The following PCSK9 variants were observed in gnomAD, a reference collection of about 807,000 sequenced individuals.
PCSK9 encodes the protein convertase subtilisin/kexin type 9 preproprotein.
Under a neutral mutation model 62.1 loss-of-function variants are expected in PCSK9, and 57 were observed. The observed-to-expected ratio is 0.92, with a 90% CI of 0.74 to 1.14. The LOEUF (loss-of-function observed/expected upper bound fraction) is 1.14. Among genes scored for constraint, PCSK9 ranks in the 50% most tolerant of loss-of-function variants. The pLI, the probability that PCSK9 is intolerant of heterozygous loss-of-function variation, is 0.00. For synonymous variants in PCSK9, 387 were observed against 409.4 expected, an observed-to-expected ratio of 0.95 and a Z score of 0.66; for missense variants, 870 against 959.8, an observed-to-expected ratio of 0.91 and a Z score of 1.24.
chr1:55,057,248 G>A, intron 6 of PCSK9, 83 bp from the exon 7 acceptor site: 2 of 1,506,912 alleles, frequency 1.3e-6, no homozygotes, highest in Non-Finnish European at 1.8e-6. Context: ...CAGTTGTCCA[G>A]CCCAGCTGGC....
rs910841558 is a variant in PCSK9, at chr1:55,040,220, G to A, written c.207+176G>A. Among the ~76,000 whole-genome samples the A allele has an allele frequency of 7.2e-5, 11 of 152,214 alleles. No homozygotes were observed. The highest frequency in any genetic ancestry group is 1.6e-4 in the Non-Finnish European group (11 of 68,040). On this transcript the variant is annotated intron_variant, in intron 1 of 11. Coordinates refer to ENST00000302118, the MANE Select transcript of PCSK9 (RefSeq NM_174936.4). This position sits in a 1 kb window ranked among gnomAD's most constrained non-coding sequence, Gnocchi z 4.1. ...CAGGCAAGGCGGCGGGGGAGGACGGGTAGTGGGGAGCACGGTGGAGAGCGG... is the reference window on the plus strand; with the variant it reads ...CAGGCAAGGCGGCGGGGGAGGACGGATAGTGGGGAGCACGGTGGAGAGCGG...
intron 3 of PCSK9, chr1:55,051,833 C>G (rs12079495): frequency 3.8e-6 from 1 of 266,322 alleles, no homozygotes; most frequent in African/African-American, 2.3e-5. Context: ...TAAAATGAGC[C>G]GGCCAGCGCA....
At chr1:55,059,055 G>A (rs1275322003) in intron 9 of PCSK9, among the ~76,000 whole-genome samples, 1 of 152,228 alleles carries the variant, frequency 6.6e-6, no homozygotes, top group East Asian at 1.9e-4. Context: ...AAGTGGAATT[G>A]ATGTTGATGC....
At chr1:55,053,796 G>A (rs1644693433) in intron 5 of PCSK9, among the ~76,000 whole-genome samples, 1 of 152,198 alleles carries the variant, frequency 6.6e-6, no homozygotes, top group Admixed American at 6.5e-5. Flanking sequence ...TTTATTGACT[G>A]ACCTCGGCTC....
In PCSK9 at chr1:55,058,129, A is replaced by G. The variant is rs28362261; in HGVS notation, c.1274A>G (p.Asn425Ser). 8.8e-4 allele frequency: 1,420 copies of G among 1,613,670 alleles called. 12 individuals are homozygous for G. The African/African-American group carries it at 0.016, about 18-fold the overall frequency. Residue 425 changes from asparagine to serine, a missense_variant, in exon 8 of 12, where the codon AAT (asparagine) becomes AGT (serine). By Grantham distance (46) the Asn-to-Ser change is conservative. Coordinates refer to ENST00000302118, the MANE Select transcript of PCSK9 (RefSeq NM_174936.4). ...CACTTCTCTGCCAAAGATGTCATCA[A>G]TGAGGCCTGGTTCCCTGAGGACCAG... ...LIHFSAKDVI[N>S]EAWFPEDQRV...
intron 11 of PCSK9, 36 bp from the exon 12 acceptor site, chr1:55,063,333 C>A (rs1644776672): frequency 2.5e-6 from 4 of 1,603,998 alleles, no homozygotes; most frequent in Non-Finnish European, 3.4e-6. Context: ...CCGGGCCACG[C>A]TAGACATGTG....
At chr1:55,045,473 G>A (rs1383541122) in intron 2 of PCSK9, among the ~76,000 whole-genome samples, 1 of 152,152 alleles carries the variant, frequency 6.6e-6, no homozygotes, top group East Asian at 1.9e-4. Flanking sequence ...CTGAAGTGGG[G>A]GCAGGTTAAG....
chr1:55,057,584 G>A (rs1044424373), intron 7 of PCSK9, 70 bp downstream of exon 7: 50 of 1,514,076 alleles, frequency 3.3e-5, no homozygotes, highest in Middle Eastern at 2.3e-4. Flanking sequence ...GGTCTGTGCC[G>A]GGACCTCCAG....
At chr1:55,056,692 C>T (rs1269042735) in intron 6 of PCSK9, among the ~76,000 whole-genome samples, 1 of 152,162 alleles carries the variant, frequency 6.6e-6, no homozygotes, top group African/African-American at 2.4e-5. Context: ...GTGCCGCATG[C>T]CCGGTGCAGT....
chr1:55,039,876 G>A lies in PCSK9; in HGVS notation c.39G>A (p.Leu13=). The change falls in exon 1 of 12, where the codon CTG becomes CTA. Residue 13 remains leucine (L), a synonymous_variant. Transcript: ENST00000302118. ...TVSSRRSWWP[L]PLLLLLLLLL... is the part of the protein sequence containing the mutation. ...GCTCCAGGCGGTCCTGGTGGCCGCTGCCACTGCTGCTGCTGCTGCTGCTGC... is the reference window on the plus strand; with the variant it reads ...GCTCCAGGCGGTCCTGGTGGCCGCTACCACTGCTGCTGCTGCTGCTGCTGC... The A allele has an allele frequency of 6.4e-7, 1 of 1,558,418 alleles. No individual in the cohort carries two copies. The highest frequency in any genetic ancestry group is 8.7e-7 in the Non-Finnish European group (1 of 1,152,128).
rs565851054 is a variant in PCSK9, at chr1:55,063,713, C to T, written c.*129C>T. On this transcript the variant is annotated 3_prime_UTR_variant, in exon 12 of 12. Transcript: ENST00000302118. Reference sequence around the variant, plus strand: ...AGGGGATGGGGATGCTTCCGCCTTTCCGGGGCTGCTGGCCTGGCCCTTGAG... The same window carrying T: ...AGGGGATGGGGATGCTTCCGCCTTTTCGGGGCTGCTGGCCTGGCCCTTGAG... The T allele has an allele frequency of 3.5e-6, 4 of 1,155,290 alleles. No homozygotes were observed. The highest frequency in any genetic ancestry group is 3.1e-5 in the African/African-American group (2 of 65,124). 71.6% of individuals were successfully genotyped at this position (1,155,290 alleles called of 1,614,324 possible).
chr1:55,055,992 G>A lies in PCSK9; in HGVS notation c.800-1G>A. On this transcript the variant is annotated splice_acceptor_variant, in intron 5 of 11. Coordinates refer to ENST00000302118, the MANE Select transcript of PCSK9 (RefSeq NM_174936.4). LOFTEE classifies it high-confidence loss of function. ...GGTGACCTTGGCTTTGTTCCTCCCA[G>A]GCCTGGAGTTTATTCGGAAAAGCCA... The A allele has an allele frequency of 6.2e-7, 1 of 1,608,628 alleles. No homozygotes were observed. The highest frequency in any genetic ancestry group is 8.5e-7 in the Non-Finnish European group (1 of 1,177,132).
At chr1:55,051,211 C>A (rs574183020) in intron 3 of PCSK9, 1 of 456,172 alleles carries the variant, frequency 2.2e-6, no homozygotes, top group Non-Finnish European at 4.4e-6. Context: ...AGGATCACTG[C>A]GGGGGCCACA....
At chr1:55,048,313 T>C (rs2100282878) in intron 3 of PCSK9, among the ~76,000 whole-genome samples, 1 of 152,324 alleles carries the variant, frequency 6.6e-6, no homozygotes, top group South Asian at 2.1e-4. Context: ...GATGATCTCA[T>C]GTGGGGAACC....
rs771682043 is a variant in PCSK9 at position 55,059,545 on chromosome 1, C to T, written c.1563C>T (p.Tyr521=). 76 of 1,560,730 alleles carry T rather than the reference C, an allele frequency of 4.9e-5. No individual in the cohort carries two copies. The South Asian group carries it at 5.4e-4, about 11-fold the overall frequency. The change falls in exon 10 of 12, where the codon TAC becomes TAT. Residue 521 remains tyrosine, a synonymous_variant. Transcript: ENST00000302118. ...ACGCTTTTGGGGGTGAGGGTGTCTA[C>T]GCCATTGCCAGGTGCTGCCTGCTAC... ...AHNAFGGEGV[Y]AIARCCLLPQ...
At chr1:55,052,056 C>T in intron 3 of PCSK9, 7 of 644,004 alleles carry the variant, frequency 1.1e-5, no homozygotes, top group Admixed American at 4.7e-5. Context: ...CAGCTGATGG[C>T]CTTGGACAGT....
chr1:55,057,482 GT>G lies in PCSK9; in HGVS notation c.1149del (p.Ser383ArgfsTer16), dbSNP rs1557506363. 1 of 1,613,734 alleles carries G rather than the reference GT, an allele frequency of 6.2e-7. No homozygotes were observed. The highest frequency in any genetic ancestry group is 2.2e-5 in the East Asian group (1 of 44,882). On this transcript the variant is annotated frameshift_variant, in exon 7 of 12. Transcript: ENST00000302118. LOFTEE classifies it high-confidence loss of function. ...SDCSTCFVSQSGTSQAAAHVA... is the reference protein window; with the variant it reads ...SDCSTCFVSQXGTSQAAAHVA... Reference sequence around the variant, plus strand: ...TGCAGCACCTGCTTTGTGTCACAGAGTGGGACATCACAGGCTGCTGCCCACG... The same window carrying G: ...TGCAGCACCTGCTTTGTGTCACAGAGGGGACATCACAGGCTGCTGCCCACG...
chr1:55,052,300 G>A lies in PCSK9; in HGVS notation c.546G>A (p.Val182=), dbSNP rs779528787. The A allele has an allele frequency of 3.1e-6, 5 of 1,614,020 alleles. No individual in the cohort carries two copies. Among genetic ancestry groups the A allele is most frequent in the Non-Finnish European group, 2.5e-6 (3 of 1,180,032 alleles). Reference sequence around the variant, plus strand: ...AAGACGGAGGCAGCCTGGTGGAGGTGTATCTCCTAGACACCAGCATACAGA... The same window carrying A: ...AAGACGGAGGCAGCCTGGTGGAGGTATATCTCCTAGACACCAGCATACAGA... ...QPPDGGSLVE[V]YLLDTSIQSD... The change falls in exon 4 of 12, where the codon GTG becomes GTA. Residue 182 remains valine, a synonymous_variant. Transcript: ENST00000302118.
Position 55,052,704 on chromosome 1 carries a change from G to GA in PCSK9, c.713dup (p.Asp238GlufsTer25). ...CCTGGCAGGGGTGGTCAGCGGCCGG[G>GA]ATGCCGGCGTGGCCAAGGGTGCCAG... On this transcript the variant is annotated frameshift_variant, in exon 5 of 12. Coordinates refer to ENST00000302118, the MANE Select transcript of PCSK9 (RefSeq NM_174936.4). LOFTEE classifies it high-confidence loss of function. The GA allele has an allele frequency of 2.5e-6, 4 of 1,613,180 alleles. No individual in the cohort carries two copies. The highest frequency in any genetic ancestry group is 3.4e-6 in the Non-Finnish European group (4 of 1,179,950).
Sources: gnomAD v4.1 joint callset for allele counts (sites outside exome capture counted in the v4.1 genomes callset) on GRCh38, gnomAD v4.1.1 for gene constraint, Gnocchi (gnomAD v3.1) non-coding constraint, MANE v1.5 for transcripts, NCBI Gene and HGNC (gene_info 2026-07-23, HGNC 2026-07-21) for gene names.